SV2B: variants seen among roughly 807,000 people sequenced by gnomAD.
SV2B encodes the protein synaptic vesicle glycoprotein 2B.
In SV2B, 41 loss-of-function variants were observed where a neutral mutation model predicts 73.9. The observed-to-expected ratio is 0.56, with a 90% CI of 0.43 to 0.72. The LOEUF (loss-of-function observed/expected upper bound fraction) is 0.72, where lower values mean the gene tolerates loss of function less well. Ranked by LOEUF, SV2B falls within the 30% of genes least tolerant of loss-of-function variation. The pLI, the probability that SV2B is intolerant of heterozygous loss-of-function variation, is 0.00. For missense variants in SV2B, 764 were observed against 857.8 expected (o/e 0.89, Z 1.37); for synonymous variants, 314 against 314.2 (o/e 1.00, Z 0.01).
intron 1 of SV2B, among the ~76,000 whole-genome samples, chr15:91,215,129 G>A (rs1243741370): frequency 1.3e-5 from 2 of 152,126 alleles, no homozygotes; most frequent in Non-Finnish European, 2.9e-5. Flanking sequence ...TTGTGGTTGG[G>A]CATCTCCACA....
chr15:91,165,257 G>T (rs1348621360), intron 1 of SV2B, among the ~76,000 whole-genome samples: 1 of 152,158 alleles, frequency 6.6e-6, no homozygotes, highest in Non-Finnish European at 1.5e-5. Flanking sequence ...CTTGAACCCA[G>T]GTGGTAGAGG....
Position 91,284,268 on chromosome 15 carries a change from G to T in SV2B, c.1708+47G>T, listed in dbSNP as rs759129668. On this transcript the variant is annotated intron_variant, in intron 11 of 12. Transcript: ENST00000394232. This position sits in a 1 kb window ranked among gnomAD's most constrained non-coding sequence, Gnocchi z 4.5. Reference sequence around the variant, plus strand: ...TCCTGGGTTCCAACGCGCTGGGGTGGTGACTTTCAAGTGTATTAAACAGGG... The same window carrying T: ...TCCTGGGTTCCAACGCGCTGGGGTGTTGACTTTCAAGTGTATTAAACAGGG... 5 of 1,599,800 alleles carry T rather than the reference G, an allele frequency of 3.1e-6. No homozygotes were observed. The highest frequency in any genetic ancestry group is 4.3e-6 in the Non-Finnish European group (5 of 1,168,120).
intron 1 of SV2B, among the ~76,000 whole-genome samples, chr15:91,152,789 C>G (rs1325336376): frequency 6.6e-6 from 1 of 152,130 alleles, no homozygotes; most frequent in Non-Finnish European, 1.5e-5. Flanking sequence ...TCCCACAGCA[C>G]CAACTAAGAC....
rs184804656 is a variant in SV2B at position 91,231,588 on chromosome 15, C to G, written c.451+4874C>G. Among the ~76,000 whole-genome samples, 611 of 152,278 alleles carry G rather than the reference C, an allele frequency of 4.0e-3. 1 individual carries two copies. The highest frequency in any genetic ancestry group is 6.9e-3 in the Non-Finnish European group (468 of 68,028). ...TGGCGACACGTAAGGCAAACCAACC[C>G]CATCCTTTTCTGCCTGCATTTGATA... is the stretch of plus-strand genomic sequence containing the variant. On this transcript the variant is annotated intron_variant, in intron 2 of 12. Transcript: ENST00000394232. This position sits in a 1 kb window ranked among gnomAD's most constrained non-coding sequence, Gnocchi z 4.5.
intron 9 of SV2B, among the ~76,000 whole-genome samples, chr15:91,273,076 G>GC (rs1040542024): frequency 4.6e-5 from 7 of 151,866 alleles, no homozygotes; most frequent in African/African-American, 1.5e-4. Context: ...CAAGTGATCC[G>GC]CCCCCCTCGG....
Position 91,226,167 on chromosome 15 carries a change from C to T in SV2B, c.-97C>T. ...CACATGAACATATTTCACATTTGAA[C>T]TACATAATGAATGATGGTTATTGAA... On this transcript the variant is annotated 5_prime_UTR_variant, in exon 2 of 13. Transcript: ENST00000394232. 8.4e-7 allele frequency: 1 copy of T among 1,185,108 alleles called. No homozygotes were observed. The highest frequency in any genetic ancestry group is 1.2e-6 in the Non-Finnish European group (1 of 831,874). The allele number at this position is 1,185,108 out of a possible 1,614,324, so 73.4% of individuals were successfully genotyped here. A position where few individuals can be genotyped will look rare whatever the true frequency, so the allele number is the denominator to read the frequency against.
intron 2 of SV2B, among the ~76,000 whole-genome samples, chr15:91,247,710 A>G (rs2047295514): frequency 6.6e-6 from 1 of 152,130 alleles, no homozygotes. Flanking sequence ...GCTGAAACCT[A>G]CAGGGAACAG....
chr15:91,248,201 G>A lies in SV2B; in HGVS notation c.452-3618G>A, dbSNP rs566625722. ...CCGGGCGTGGTGGTGGGCGCCTGTA[G>A]TCCCAGCTACTAGGGAGGCTGAGGC... On this transcript the variant is annotated intron_variant, in intron 2 of 12. Coordinates refer to ENST00000394232, the MANE Select transcript of SV2B (RefSeq NM_001323032.3). Among the ~76,000 whole-genome samples the A allele has an allele frequency of 2.4e-4, 36 of 152,148 alleles. No homozygotes were observed. In the East Asian group the frequency reaches 6.4e-3, roughly 27 times the overall value.
intron 1 of SV2B, among the ~76,000 whole-genome samples, chr15:91,181,465 T>C (rs1023058241): frequency 3.9e-5 from 6 of 152,040 alleles, no homozygotes; most frequent in African/African-American, 1.4e-4. Flanking sequence ...AGGTTACTGC[T>C]GTCTTTTTGT....
At chr15:91,235,344 C>T (rs749008130) in intron 2 of SV2B, among the ~76,000 whole-genome samples, 4 of 152,094 alleles carry the variant, frequency 2.6e-5, no homozygotes, top group East Asian at 3.8e-4. Context: ...CAGTGGGCTG[C>T]GTTTATTATA....
chr15:91,104,190 G>C (rs913364976), intron 1 of SV2B, among the ~76,000 whole-genome samples: 1 of 152,198 alleles, frequency 6.6e-6, no homozygotes, highest in Non-Finnish European at 1.5e-5. Flanking sequence ...TGGTTGGCTG[G>C]GTAGTTCTGC....
chr15:91,195,469 A>C lies in SV2B; in HGVS notation c.-391-30404A>C, dbSNP rs566573528. Among the ~76,000 whole-genome samples the C allele has an allele frequency of 3.9e-5, 6 of 152,292 alleles. No homozygotes were observed. The South Asian group carries it at 1.2e-3, about 32-fold the overall frequency. ...GCCACTGTGCCTAGCTACATAAATT[A>C]TTTGACCCATAGCTACGTAACTTAT... On this transcript the variant is annotated intron_variant, in intron 1 of 12. Coordinates refer to ENST00000394232, the MANE Select transcript of SV2B (RefSeq NM_001323032.3).
At position 91,239,389 on chromosome 15, in the gene SV2B, G is replaced by T. The variant is rs2046916529; in HGVS notation, c.452-12430G>T. Among the ~76,000 whole-genome samples, 1 of 151,886 alleles carries T rather than the reference G, an allele frequency of 6.6e-6. No homozygotes were observed. The highest frequency in any genetic ancestry group is 2.4e-5 in the African/African-American group (1 of 41,330). On this transcript the variant is annotated intron_variant, in intron 2 of 12. Transcript: ENST00000394232. This position sits in a 1 kb window ranked among gnomAD's most constrained non-coding sequence, Gnocchi z 5.1. ...AGTCTTGTGCTCGAAAGGAGACATG[G>T]TAACAGATTATAAGGTATAAGGCAT... is the stretch of plus-strand genomic sequence containing the variant.
rs1008180378 is a variant in SV2B at position 91,121,155 on chromosome 15, A to G, written c.-392+20792A>G. ...CATTTTTTTTTCTCTTTGAAATAAAAAAGTGTTAAGGTAAGGCTAACTTTG... is the reference window on the plus strand; with the variant it reads ...CATTTTTTTTTCTCTTTGAAATAAAGAAGTGTTAAGGTAAGGCTAACTTTG... On this transcript the variant is annotated intron_variant, in intron 1 of 12. Transcript: ENST00000394232. The surrounding 1 kb of genome is among the most constrained non-coding windows in gnomAD (Gnocchi z 4.4). Among the ~76,000 whole-genome samples the G allele has an allele frequency of 6.6e-5, 10 of 152,202 alleles. No individual in the cohort carries two copies. The highest frequency in any genetic ancestry group is 2.2e-4 in the African/African-American group (9 of 41,446).
Position 91,226,618 on chromosome 15 carries a change from C to G in SV2B, c.355C>G (p.Leu119Val). Residue 119 changes from leucine (L) to valine (V), a missense_variant, in exon 2 of 13, where the codon CTG (leucine) becomes GTG (valine). Leu to Val is a conservative substitution (Grantham distance 32). Coordinates refer to ENST00000394232, the MANE Select transcript of SV2B (RefSeq NM_001323032.3). ...CCTCTTTTTCGTCTTGGGTTTGGCCCTGATGGCCGATGGGGTGGAAGTGTT... is the reference window on the plus strand; with the variant it reads ...CCTCTTTTTCGTCTTGGGTTTGGCCGTGATGGCCGATGGGGTGGAAGTGTT... ...WILFFVLGLA[L>V]MADGVEVFVV... 1.2e-6 allele frequency: 2 copies of G among 1,614,172 alleles called. No homozygotes were observed. The highest frequency in any genetic ancestry group is 1.7e-6 in the Non-Finnish European group (2 of 1,180,024).
At chr15:91,148,602 C>T (rs538153923) in intron 1 of SV2B, among the ~76,000 whole-genome samples, 4 of 152,010 alleles carry the variant, frequency 2.6e-5, no homozygotes, top group Non-Finnish European at 5.9e-5. Flanking sequence ...GTATATAGCC[C>T]GGGTTCCCTG....
chr15:91,187,808 G>A (rs1482046625), intron 1 of SV2B, among the ~76,000 whole-genome samples: 1 of 151,870 alleles, frequency 6.6e-6, no homozygotes, highest in Non-Finnish European at 1.5e-5. Flanking sequence ...TGGGATTTGT[G>A]GTTTTTCAGA....
intron 9 of SV2B, among the ~76,000 whole-genome samples, chr15:91,275,024 T>C (rs918972861): frequency 2.6e-5 from 4 of 152,138 alleles, no homozygotes; most frequent in African/African-American, 9.6e-5. Flanking sequence ...ATTTTTATAA[T>C]TAAGTGAATT....
rs1241866991 is a variant in SV2B at position 91,298,999 on chromosome 15, A to G, written c.*6447A>G. The G allele has an allele frequency of 6.6e-6, 1 of 152,214 alleles. No individual in the cohort carries two copies. Among genetic ancestry groups the G allele is most frequent in the Non-Finnish European group, 1.5e-5 (1 of 68,030 alleles). 9.4% of individuals were successfully genotyped at this position (152,214 alleles called of 1,614,324 possible). On this transcript the variant is annotated 3_prime_UTR_variant, in exon 13 of 13. Transcript: ENST00000394232. This position sits in a 1 kb window ranked among gnomAD's most constrained non-coding sequence, Gnocchi z 5.4. ...AAAAGGCCTATAAAAATAGCTTTCC[A>G]ATTCGCCACCAAAAATGCAAAAATG...
Sources: gnomAD v4.1 joint callset for allele counts (sites outside exome capture counted in the v4.1 genomes callset) on GRCh38, gnomAD v4.1.1 for gene constraint, Gnocchi (gnomAD v3.1) non-coding constraint, MANE v1.5 for transcripts, NCBI Gene and HGNC (gene_info 2026-07-23, HGNC 2026-07-21) for gene names.